The following TSHZ2 variants were observed in gnomAD, a reference collection of about 807,000 sequenced individuals.
TSHZ2 encodes the protein teashirt homolog 2.
In TSHZ2, 21 loss-of-function variants were observed where a neutral mutation model predicts 74.4. That is an observed-to-expected ratio of 0.28 (90% CI 0.20 to 0.41). TSHZ2 has a LOEUF of 0.41. Ranked by LOEUF, TSHZ2 falls within the 10% of genes least tolerant of loss-of-function variation. The probability of loss-of-function intolerance (pLI) is 1.00; values close to 1 mark genes in which losing one functional copy is unlikely to be tolerated. For missense variants in TSHZ2, 1,244 were observed against 1,293.5 expected, an observed-to-expected ratio of 0.96 and a Z score of 0.59; for synonymous variants, 540 against 515.3, an observed-to-expected ratio of 1.05 and a Z score of -0.65.
intron 1 of TSHZ2, chr20:53,185,705 A>G (rs956152412): frequency 4.6e-6 from 7 of 1,535,990 alleles, no homozygotes; most frequent in African/African-American, 4.1e-5. Flanking sequence ...TTGCTGCTAG[A>G]AAGTCATCCC....
chr20:53,224,051 G>A (rs1187202566), intron 1 of TSHZ2, among the ~76,000 whole-genome samples: 1 of 152,046 alleles, frequency 6.6e-6, no homozygotes, highest in Non-Finnish European at 1.5e-5. Context: ...GGGAAAACAG[G>A]GGAAGGATAT....
At chr20:53,313,021 A>G (rs1978855720) in intron 2 of TSHZ2, among the ~76,000 whole-genome samples, 5 of 152,234 alleles carry the variant, frequency 3.3e-5, no homozygotes, top group Admixed American at 3.3e-4. Context: ...TTTAAAATGT[A>G]ATGTCCAAAT....
chr20:53,037,931 T>C (rs920401619), intron 1 of TSHZ2, among the ~76,000 whole-genome samples: 16 of 152,016 alleles, frequency 1.1e-4, no homozygotes, highest in African/African-American at 3.9e-4. Context: ...TGCCTGGGTC[T>C]GCTTGGTTGG....
At chr20:53,202,760 G>C (rs938155330) in intron 1 of TSHZ2, among the ~76,000 whole-genome samples, 1 of 152,194 alleles carries the variant, frequency 6.6e-6, no homozygotes, top group African/African-American at 2.4e-5. Flanking sequence ...ACGAAGGGAA[G>C]TCAGGTTTAG....
At chr20:53,200,320 A>C (rs981713340) in intron 1 of TSHZ2, among the ~76,000 whole-genome samples, 4 of 152,124 alleles carry the variant, frequency 2.6e-5, no homozygotes, top group Non-Finnish European at 4.4e-5. Flanking sequence ...CAGCGAGTGC[A>C]AGGGCCCTGA....
At chr20:53,463,923 T>C (rs1472376472) in intron 2 of TSHZ2, among the ~76,000 whole-genome samples, 2 of 152,230 alleles carry the variant, frequency 1.3e-5, no homozygotes, top group Non-Finnish European at 2.9e-5. Context: ...AGGCTCCCTA[T>C]CGACAATGGA....
intron 2 of TSHZ2, among the ~76,000 whole-genome samples, chr20:53,419,106 A>G (rs1039651969): frequency 1.3e-5 from 2 of 152,226 alleles, no homozygotes; most frequent in African/African-American, 4.8e-5. Flanking sequence ...TGTTAGATCT[A>G]AGAGGAAAAA....
chr20:53,064,442 A>G (rs975570038), intron 1 of TSHZ2, among the ~76,000 whole-genome samples: 24 of 152,050 alleles, frequency 1.6e-4, no homozygotes, highest in African/African-American at 5.5e-4. Flanking sequence ...TATTTTTTTT[A>G]TGTTACTGAA....
intron 2 of TSHZ2, among the ~76,000 whole-genome samples, chr20:53,351,182 T>C (rs1980632307): frequency 6.6e-6 from 1 of 152,226 alleles, no homozygotes; most frequent in Non-Finnish European, 1.5e-5. Flanking sequence ...TCAGCTTTTT[T>C]CTGAAATATA....
At chr20:53,130,351 C>T (rs1987070030) in intron 1 of TSHZ2, among the ~76,000 whole-genome samples, 1 of 152,168 alleles carries the variant, frequency 6.6e-6, no homozygotes, top group African/African-American at 2.4e-5. Context: ...CAGCCAGGTA[C>T]AGTGGCTCAC....
intron 1 of TSHZ2, among the ~76,000 whole-genome samples, chr20:53,105,473 CCT>C (rs1446400867): frequency 6.6e-6 from 1 of 152,086 alleles, no homozygotes; most frequent in African/African-American, 2.4e-5. Context: ...AAAATCTCCC[CCT>C]GTTGACAACA....
At chr20:53,261,037 A>G (rs1484141127) in intron 2 of TSHZ2, among the ~76,000 whole-genome samples, 1 of 152,208 alleles carries the variant, frequency 6.6e-6, no homozygotes, top group African/African-American at 2.4e-5. Context: ...GAGTTTCATG[A>G]TTTGTCCAAG....
chr20:53,280,968 G>T (rs1243655265), intron 2 of TSHZ2, among the ~76,000 whole-genome samples: 1 of 152,160 alleles, frequency 6.6e-6, no homozygotes, highest in Non-Finnish European at 1.5e-5. Context: ...TGGGATTACA[G>T]GCGTGAGCCA....
chr20:53,359,624 T>C (rs1720243987), intron 2 of TSHZ2, among the ~76,000 whole-genome samples: 1 of 152,246 alleles, frequency 6.6e-6, no homozygotes, highest in Non-Finnish European at 1.5e-5. Context: ...AATCTTTATT[T>C]GTCCCACGTG....
intron 2 of TSHZ2, among the ~76,000 whole-genome samples, chr20:53,416,886 G>T (rs1400741167): frequency 6.6e-6 from 1 of 152,110 alleles, no homozygotes; most frequent in Non-Finnish European, 1.5e-5. Context: ...TCTCCCATTT[G>T]GTTCAATCCT....
At position 53,203,755 on chromosome 20, in the gene TSHZ2, G is replaced by C. The variant is rs914329353; in HGVS notation, c.41-49744G>C. On this transcript the variant is annotated intron_variant, in intron 1 of 2. Coordinates refer to ENST00000371497, the MANE Select transcript of TSHZ2 (RefSeq NM_173485.6). The stretch of plus-strand genomic sequence containing the variant: ...GAAATCTCCTGATTTTTTAGGTCTT[G>C]GTAATTCGTTTGTTTTAAAACTGCA... Among the ~76,000 whole-genome samples, 6 of 151,948 alleles carry C rather than the reference G, an allele frequency of 3.9e-5. No homozygotes were observed. In the East Asian group the frequency reaches 7.7e-4, roughly 20 times the overall value.
intron 1 of TSHZ2, among the ~76,000 whole-genome samples, chr20:53,117,307 T>A (rs1347485815): frequency 6.6e-6 from 1 of 152,230 alleles, no homozygotes; most frequent in Non-Finnish European, 1.5e-5. Context: ...ATATCTTCCT[T>A]ACCAAGAACA....
chr20:53,344,426 C>G (rs1273512375), intron 2 of TSHZ2, among the ~76,000 whole-genome samples: 2 of 152,166 alleles, frequency 1.3e-5, no homozygotes, highest in African/African-American at 4.8e-5. Flanking sequence ...ACCATACTGT[C>G]TGCTTGGCCA....
At chr20:53,214,528 T>A (rs2123621028) in intron 1 of TSHZ2, among the ~76,000 whole-genome samples, 1 of 152,256 alleles carries the variant, frequency 6.6e-6, no homozygotes, top group African/African-American at 2.4e-5. Flanking sequence ...ACCTGGCCAA[T>A]ATTGTGAAAC....
Sources: allele counts gnomAD v4.1 joint callset (sites outside exome capture counted in the v4.1 genomes callset), GRCh38; gene constraint gnomAD v4.1.1; transcripts MANE v1.5; gene names NCBI Gene and HGNC (gene_info 2026-07-23, HGNC 2026-07-21).